CLASP1: variants seen among roughly 807,000 people sequenced by gnomAD.
The protein encoded by CLASP1 is CLIP-associating protein 1.
A neutral mutation model predicts 192.3 loss-of-function variants in CLASP1; 38 were observed. That is an observed-to-expected ratio of 0.20 (90% confidence interval 0.15 to 0.26). CLASP1 has a LOEUF of 0.26. Ranked by LOEUF, CLASP1 falls within the 10% of genes least tolerant of loss-of-function variation. CLASP1 has a pLI of 1.00. For synonymous variants in CLASP1, 691 were observed against 712.8 expected, an observed-to-expected ratio of 0.97 and a Z score of 0.49; for missense variants, 1,433 against 1,932.5, an observed-to-expected ratio of 0.74 and a Z score of 4.85.
chr2:121,604,786 G>A (rs1193188464), intron 2 of CLASP1, among the ~76,000 whole-genome samples: 1 of 152,206 alleles, frequency 6.6e-6, no homozygotes, highest in East Asian at 1.9e-4. Context: ...GGAGTCCTGT[G>A]ACTTTTTAAG....
intron 14 of CLASP1, among the ~76,000 whole-genome samples, chr2:121,456,833 C>T (rs935653696): frequency 1.3e-5 from 2 of 152,198 alleles, no homozygotes; most frequent in Admixed American, 1.3e-4. Flanking sequence ...TCAAGACACA[C>T]AGCTAAGGGA....
chr2:121,447,555 G>A, intron 18 of CLASP1, 48 bp from the exon 19 acceptor site: 2 of 1,410,868 alleles, frequency 1.4e-6, no homozygotes, highest in Non-Finnish European at 1.9e-6. Flanking sequence ...ATAGAATTTT[G>A]AAAATACATT....
intron 2 of CLASP1, among the ~76,000 whole-genome samples, chr2:121,588,600 G>T (rs1334249558): frequency 6.6e-6 from 1 of 152,134 alleles, no homozygotes; most frequent in Non-Finnish European, 1.5e-5. Context: ...CATGCCTCAG[G>T]TCTCCATGAA....
intron 32 of CLASP1, among the ~76,000 whole-genome samples, chr2:121,386,039 T>C (rs1311952014): frequency 6.6e-6 from 1 of 152,208 alleles, no homozygotes; most frequent in African/African-American, 2.4e-5. Flanking sequence ...AAGATAGCTA[T>C]AGAAAATACT....
intron 2 of CLASP1, among the ~76,000 whole-genome samples, chr2:121,584,002 G>C (rs367873372): frequency 6.6e-6 from 1 of 152,208 alleles, no homozygotes; most frequent in African/African-American, 2.4e-5. Flanking sequence ...CCTTCCAGAG[G>C]ATGCAGCAAC....
chr2:121,516,277 G>A (rs1226390974), intron 6 of CLASP1, among the ~76,000 whole-genome samples: 2 of 152,114 alleles, frequency 1.3e-5, no homozygotes, highest in Non-Finnish European at 2.9e-5. Flanking sequence ...AGGGCATGAT[G>A]GAATAAACAT....
intron 2 of CLASP1, among the ~76,000 whole-genome samples, chr2:121,598,997 T>G (rs2063463876): frequency 6.6e-6 from 1 of 152,082 alleles, no homozygotes; most frequent in Non-Finnish European, 1.5e-5. Flanking sequence ...TCCAAGTAGC[T>G]GGGACTATAC....
At chr2:121,648,207 AT>A (rs1245010601) in intron 1 of CLASP1, among the ~76,000 whole-genome samples, 1 of 152,230 alleles carries the variant, frequency 6.6e-6, no homozygotes, top group Non-Finnish European at 1.5e-5. Context: ...AATCGTAGTA[AT>A]AAAAACAATT....
chr2:121,568,108 G>T (rs1251254831), intron 2 of CLASP1, among the ~76,000 whole-genome samples: 1 of 152,120 alleles, frequency 6.6e-6, no homozygotes, highest in African/African-American at 2.4e-5. Context: ...ACAGAGGGAG[G>T]ATTCATCCAC....
chr2:121,466,963 C>T (rs2089709684), intron 9 of CLASP1, among the ~76,000 whole-genome samples: 1 of 152,162 alleles, frequency 6.6e-6, no homozygotes, highest in Non-Finnish European at 1.5e-5. Flanking sequence ...TGATGTGCTC[C>T]CTCCTCCCAC....
rs80023116 is a variant in CLASP1 at position 121,531,092 on chromosome 2, G to A, written c.196-767C>T. 1.9e-3 allele frequency: 1,253 copies of A among 655,690 alleles called. 6 individuals carry two copies. Among genetic ancestry groups the A allele is most frequent in the African/African-American group, 2.6e-3 (147 of 56,082 alleles). 40.6% of individuals were successfully genotyped at this position (655,690 alleles called of 1,614,324 possible). Reference sequence around the variant, plus strand: ...GTACTTTGTGGTTAAACCAGTAGAGGGTGCACAAGACGCGTGGTTTTAGTG... The same window carrying A: ...GTACTTTGTGGTTAAACCAGTAGAGAGTGCACAAGACGCGTGGTTTTAGTG... On this transcript the variant is annotated intron_variant, in intron 2 of 39. Transcript: ENST00000263710.
intron 36 of CLASP1, 144 bp downstream of exon 37, chr2:121,364,950 A>T: frequency 1.2e-6 from 1 of 801,136 alleles, no homozygotes; most frequent in South Asian, 1.6e-5. Flanking sequence ...CTCAGAAAAT[A>T]TGTGAAAAAT....
At position 121,647,240 on chromosome 2, in the gene CLASP1, T is replaced by C. The variant is rs2073344470; in HGVS notation, c.-286+2132A>G. Among the ~76,000 whole-genome samples the C allele has an allele frequency of 6.6e-5, 10 of 151,754 alleles. 1 individual carries two copies. The South Asian group carries it at 2.1e-3, about 32-fold the overall frequency. On this transcript the variant is annotated intron_variant, in intron 1 of 39. Transcript: ENST00000263710. ...AAAATTAGCTGGGCATGGTTGTGGG[T>C]GCCTGTAATCCCAGCTACTCAGGCG...
At chr2:121,469,678 T>C in intron 9 of CLASP1, 130 bp downstream of exon 9, 1 of 812,670 alleles carries the variant, frequency 1.2e-6, no homozygotes, top group Non-Finnish European at 1.8e-6. Context: ...AATTAAAGAA[T>C]AGCAGGCAGA....
intron 1 of CLASP1, among the ~76,000 whole-genome samples, chr2:121,640,012 C>A (rs560746938): frequency 4.6e-5 from 7 of 152,186 alleles, no homozygotes; most frequent in African/African-American, 1.7e-4. Context: ...AAATGTGGCA[C>A]ATATATACCA....
chr2:121,440,376 G>T (rs2083101241), intron 19 of CLASP1, among the ~76,000 whole-genome samples: 1 of 152,196 alleles, frequency 6.6e-6, no homozygotes, highest in Non-Finnish European at 1.5e-5. Flanking sequence ...AAAATGCTCT[G>T]TGGTAATTAG....
At chr2:121,390,410 T>C (rs993059582) in intron 30 of CLASP1, among the ~76,000 whole-genome samples, 2 of 152,240 alleles carry the variant, frequency 1.3e-5, no homozygotes, top group African/African-American at 2.4e-5. Flanking sequence ...CTTTTTCTAA[T>C]GGGCAACCCT....
chr2:121,545,161 G>A (rs1200035419), intron 2 of CLASP1, among the ~76,000 whole-genome samples: 2 of 152,040 alleles, frequency 1.3e-5, no homozygotes, highest in Non-Finnish European at 2.9e-5. Context: ...TGATCCACCT[G>A]CCTCGGCCTC....
At chr2:121,357,317 T>G (rs2065604690) in intron 37 of CLASP1, among the ~76,000 whole-genome samples, 1 of 152,008 alleles carries the variant, frequency 6.6e-6, no homozygotes. Context: ...AATGGAAGAG[T>G]ATAAAAAGGA....
Sources: gnomAD v4.1 joint callset for allele counts (sites outside exome capture counted in the v4.1 genomes callset) on GRCh38, gnomAD v4.1.1 for gene constraint, MANE v1.5 for transcripts, NCBI Gene and HGNC (gene_info 2026-07-23, HGNC 2026-07-21) for gene names.